ANKRD6: variants seen among roughly 807,000 people sequenced by gnomAD.
The protein encoded by ANKRD6 is ankyrin repeat domain-containing protein 6.
ANKRD6 carries 56 observed loss-of-function variants against 82.3 expected under a neutral mutation model. That is an observed-to-expected ratio of 0.68 (90% confidence interval 0.55 to 0.85). The LOEUF is 0.85. ANKRD6 is among the 40% of genes least tolerant of loss of function. The pLI is 0.00. For synonymous variants in ANKRD6, 347 were observed against 352.1 expected (o/e 0.99, Z 0.16); for missense variants, 852 against 907.6 (o/e 0.94, Z 0.79).
intron 1 of ANKRD6, among the ~76,000 whole-genome samples, chr6:89,500,046 A>C (rs1411329780): frequency 1.3e-5 from 2 of 152,008 alleles, no homozygotes; most frequent in Non-Finnish European, 2.9e-5. Context: ...ATTCCATCAC[A>C]CCCCAGTTTT....
rs1170068386 is a variant in ANKRD6 at position 89,461,475 on chromosome 6, GAAGT to G, written c.-144+28104_-144+28107del. ...AGTTACCCAAGTGATACAACAGTGA[GAAGT>G]AAGAGATTCATGGCTTTATGTTAAG... is the stretch of plus-strand genomic sequence containing the variant. On this transcript the variant is annotated intron_variant, in intron 1 of 15. Coordinates refer to ENST00000339746, the MANE Select transcript of ANKRD6 (RefSeq NM_001242809.2). 2.0e-5 allele frequency among the ~76,000 whole-genome samples: 3 copies of G among 152,280 alleles called. No individual in the cohort carries two copies. In the East Asian group the frequency reaches 5.8e-4, roughly 29 times the overall value.
intron 2 of ANKRD6, among the ~76,000 whole-genome samples, chr6:89,568,925 A>G (rs1053181758): frequency 2.8e-5 from 4 of 143,666 alleles, no homozygotes; most frequent in Admixed American, 2.8e-4. Flanking sequence ...AATTTTATAT[A>G]TATATAATTT....
At chr6:89,473,401 T>TA (rs535883417) in intron 1 of ANKRD6, among the ~76,000 whole-genome samples, 1,808 of 133,850 alleles carry the variant, frequency 0.014, 37 homozygotes, top group African/African-American at 0.045. Context: ...AGACTCTGTC[T>TA]AAAAAAAAAA....
chr6:89,619,522 T>C (rs1802458314), intron 9 of ANKRD6: 1 of 152,208 alleles, frequency 6.6e-6, no homozygotes, highest in Non-Finnish European at 1.5e-5. Flanking sequence ...CAAAGAGCCT[T>C]ACTGTGGACC....
At position 89,453,776 on chromosome 6, in the gene ANKRD6, AATATT is replaced by A. The variant is rs1562534761; in HGVS notation, c.-144+20402_-144+20406del. 6.8e-5 allele frequency among the ~76,000 whole-genome samples: 10 copies of A among 148,114 alleles called. No homozygotes were observed. The East Asian group carries it at 2.0e-3, about 30-fold the overall frequency. ...TTTTTATTTATTTATTTATTTATTT[AATATT>A]TTTATTTTATTTTATTTTATTTTAT... On this transcript the variant is annotated intron_variant, in intron 1 of 15. Coordinates refer to ENST00000339746, the MANE Select transcript of ANKRD6 (RefSeq NM_001242809.2).
intron 7 of ANKRD6, among the ~76,000 whole-genome samples, chr6:89,614,392 T>A (rs1036390645): frequency 6.6e-6 from 1 of 152,070 alleles, no homozygotes; most frequent in Non-Finnish European, 1.5e-5. Context: ...TGCCTGTAAT[T>A]CCAGCACTTT....
chr6:89,497,570 T>G (rs1778775722), intron 1 of ANKRD6, among the ~76,000 whole-genome samples: 1 of 152,258 alleles, frequency 6.6e-6, no homozygotes, highest in Admixed American at 6.5e-5. Context: ...TGTCTTGTTT[T>G]CTAAATTGTG....
intron 14 of ANKRD6, among the ~76,000 whole-genome samples, chr6:89,628,618 A>C (rs1189003204): frequency 6.6e-6 from 1 of 152,082 alleles, no homozygotes; most frequent in Non-Finnish European, 1.5e-5. Flanking sequence ...GGATACAAAA[A>C]ACTTAGTCAG....
intron 9 of ANKRD6, chr6:89,618,301 A>G (rs191940948): frequency 1.6e-6 from 1 of 637,262 alleles, no homozygotes; most frequent in East Asian, 2.7e-5. Flanking sequence ...TTTCCCAGCT[A>G]CTCAGCCAAG....
chr6:89,536,217 G>A (rs1195325802), intron 1 of ANKRD6, among the ~76,000 whole-genome samples: 1 of 152,196 alleles, frequency 6.6e-6, no homozygotes, highest in Admixed American at 6.5e-5. Flanking sequence ...GCGAAGTAGC[G>A]AGACTGTTTC....
At chr6:89,516,757 G>A (rs1466973921) in intron 1 of ANKRD6, among the ~76,000 whole-genome samples, 1 of 152,198 alleles carries the variant, frequency 6.6e-6, no homozygotes, top group African/African-American at 2.4e-5. Flanking sequence ...GATTACAGGT[G>A]TGAGCCACTG....
intron 1 of ANKRD6, among the ~76,000 whole-genome samples, chr6:89,481,421 A>G (rs1776790550): frequency 6.6e-6 from 1 of 152,198 alleles, no homozygotes. Flanking sequence ...GGGATTTGAT[A>G]TGTTCAAAGT....
intron 1 of ANKRD6, among the ~76,000 whole-genome samples, chr6:89,439,666 A>G (rs1475547742): frequency 6.6e-6 from 1 of 152,160 alleles, no homozygotes; most frequent in Admixed American, 6.6e-5. Context: ...AGGCCCAAAT[A>G]ATTAAAATTT....
chr6:89,577,667 A>T (rs1394112313), intron 2 of ANKRD6, among the ~76,000 whole-genome samples: 1 of 152,176 alleles, frequency 6.6e-6, no homozygotes, highest in Non-Finnish European at 1.5e-5. Flanking sequence ...AAAATAAAAA[A>T]TTAGCTGGGC....
chr6:89,535,805 C>T (rs1025958027), intron 1 of ANKRD6, among the ~76,000 whole-genome samples: 2 of 152,238 alleles, frequency 1.3e-5, no homozygotes, highest in African/African-American at 4.8e-5. Flanking sequence ...ATTAGACCAC[C>T]TCAGCTCACA....
intron 1 of ANKRD6, among the ~76,000 whole-genome samples, chr6:89,460,638 G>A (rs1261533169): frequency 2.0e-5 from 3 of 151,972 alleles, no homozygotes; most frequent in African/African-American, 7.3e-5. Context: ...GTTTCACCAT[G>A]TTGGCCAGGC....
chr6:89,512,588 A>T (rs1373294437), intron 1 of ANKRD6, among the ~76,000 whole-genome samples: 1 of 152,220 alleles, frequency 6.6e-6, no homozygotes, highest in African/African-American at 2.4e-5. Context: ...CACAAGGAGC[A>T]GCATCTGTGT....
chr6:89,558,783 A>G (rs1216047694), intron 1 of ANKRD6, among the ~76,000 whole-genome samples: 3 of 150,958 alleles, frequency 2.0e-5, no homozygotes, highest in Non-Finnish European at 4.4e-5. Flanking sequence ...TCACACTAAT[A>G]CAAGATGTTA....
At chr6:89,438,758 T>C (rs1267361212) in intron 1 of ANKRD6, among the ~76,000 whole-genome samples, 2 of 152,204 alleles carry the variant, frequency 1.3e-5, no homozygotes, top group African/African-American at 4.8e-5. Flanking sequence ...TTCTCCTGCC[T>C]CAGCCTCCTG....
Sources: gnomAD v4.1 joint callset for allele counts (sites outside exome capture counted in the v4.1 genomes callset) on GRCh38, gnomAD v4.1.1 for gene constraint, MANE v1.5 for transcripts, NCBI Gene and HGNC (gene_info 2026-07-23, HGNC 2026-07-21) for gene names.